The following EDIL3 variants were observed in gnomAD, a reference collection of about 807,000 sequenced individuals.
The protein encoded by EDIL3 is EGF like and discoidin domains 3, also known as EGF-like repeat and discoidin I-like domain-containing protein 3.
A neutral mutation model predicts 67.4 loss-of-function variants in EDIL3; 37 were observed. That is an observed-to-expected ratio of 0.55 (90% confidence interval 0.42 to 0.72). The LOEUF is 0.72. Ranked by LOEUF, EDIL3 falls within the 30% of genes least tolerant of loss-of-function variation. The pLI is 0.00. For missense variants in EDIL3, 527 were observed against 586.3 expected (o/e 0.90, Z 1.04); for synonymous variants, 195 against 196.3 (o/e 0.99, Z 0.05).
intron 8 of EDIL3, among the ~76,000 whole-genome samples, chr5:84,063,676 A>G (rs1746582255): frequency 6.6e-6 from 1 of 152,124 alleles, no homozygotes; most frequent in Non-Finnish European, 1.5e-5. Flanking sequence ...GCTTTAACCT[A>G]TAGGCAACCT....
At chr5:84,327,941 T>A (rs147861856) in intron 1 of EDIL3, among the ~76,000 whole-genome samples, 1 of 152,162 alleles carries the variant, frequency 6.6e-6, no homozygotes, top group African/African-American at 2.4e-5. Context: ...GGACAGGCCA[T>A]GGAAGTCTTA....
intron 2 of EDIL3, among the ~76,000 whole-genome samples, chr5:84,249,133 T>C (rs987468535): frequency 1.3e-5 from 2 of 152,132 alleles, no homozygotes; most frequent in Non-Finnish European, 2.9e-5. Flanking sequence ...TTTCAGTTTA[T>C]GACATTATAC....
chr5:83,988,931 A>G (rs1745099722), intron 9 of EDIL3, among the ~76,000 whole-genome samples: 1 of 152,188 alleles, frequency 6.6e-6, no homozygotes, highest in Non-Finnish European at 1.5e-5. Flanking sequence ...AAGTACCACT[A>G]CTTGTAGAAT....
chr5:84,120,088 T>C lies in EDIL3; in HGVS notation c.470-13258A>G, dbSNP rs534878673. 3.3e-5 allele frequency among the ~76,000 whole-genome samples: 5 copies of C among 152,152 alleles called. No individual in the cohort carries two copies. In the East Asian group the frequency reaches 7.7e-4, roughly 24 times the overall value. On this transcript the variant is annotated intron_variant, in intron 5 of 10. Transcript: ENST00000296591. Reference sequence around the variant, plus strand: ...ACTATGCATAACTATTGATTTCTTATGAAGTGTCACATAAAGAAAGTAAAA... The same window carrying C: ...ACTATGCATAACTATTGATTTCTTACGAAGTGTCACATAAAGAAAGTAAAA...
intron 6 of EDIL3, among the ~76,000 whole-genome samples, chr5:84,086,140 G>A (rs1747065533): frequency 6.6e-6 from 1 of 152,120 alleles, no homozygotes; most frequent in Non-Finnish European, 1.5e-5. Flanking sequence ...TGGCTCTCTG[G>A]CTTCAGCCCC....
chr5:84,043,724 T>G (rs1446834620), intron 9 of EDIL3, among the ~76,000 whole-genome samples: 1 of 152,122 alleles, frequency 6.6e-6, no homozygotes, highest in Non-Finnish European at 1.5e-5. Flanking sequence ...ATACAAATAA[T>G]ATGTACACAT....
In EDIL3 at chr5:84,070,606, AGTGTGTGTGTGTGTGTGT is replaced by A. The variant is rs35930293; in HGVS notation, c.652-4018_652-4001del. On this transcript the variant is annotated intron_variant, in intron 6 of 10. Transcript: ENST00000296591. ...GACATTTAGGGCTACTATGGTTAAG[AGTGTGTGTGTGTGTGTGT>A]GTGTGTGTGTGTGTGTGTGTGTGTT... Among the ~76,000 whole-genome samples the A allele has an allele frequency of 1.5e-3, 216 of 144,738 alleles. 3 individuals are homozygous for A. The Middle Eastern group carries it at 0.018, about 12-fold the overall frequency. 95.0% of individuals were successfully genotyped at this position (144,738 alleles called of 152,430 possible).
chr5:84,122,110 C>A (rs1263265220), intron 5 of EDIL3, among the ~76,000 whole-genome samples: 1 of 151,930 alleles, frequency 6.6e-6, no homozygotes, highest in Non-Finnish European at 1.5e-5. Context: ...ACCTCAAGTG[C>A]ACTTCACTCT....
At chr5:84,234,856 T>C (rs1744648756) in intron 2 of EDIL3, among the ~76,000 whole-genome samples, 1 of 152,166 alleles carries the variant, frequency 6.6e-6, no homozygotes, top group African/African-American at 2.4e-5. Context: ...CTATGTATTA[T>C]TGTATTCTGA....
rs114978397 is a variant in EDIL3 at position 84,049,491 on chromosome 5, T to A, written c.1137+10809A>T. ...GACTTCTTTGTTTGGAAACTACCTA[T>A]GGAAGCTAATAGTCTTAACCTAAAA... On this transcript the variant is annotated intron_variant, in intron 9 of 10. Transcript: ENST00000296591. Among the ~76,000 whole-genome samples the A allele has an allele frequency of 5.7e-3, 868 of 152,312 alleles. 12 individuals carry two copies. The highest frequency in any genetic ancestry group is 0.02 in the African/African-American group (833 of 41,554).
intron 9 of EDIL3, among the ~76,000 whole-genome samples, chr5:84,013,301 T>C (rs1745547950): frequency 1.3e-5 from 2 of 152,194 alleles, no homozygotes; most frequent in South Asian, 4.1e-4. Context: ...TAAGAAACAT[T>C]GTTCCTTACA....
Position 84,279,302 on chromosome 5 carries a change from T to C in EDIL3, c.68-25090A>G, listed in dbSNP as rs528059577. ...AAGCCCAATCAATAAAAATAAATCCTGTACTCTCCTAGAGAAGTTTTCTCA... is the reference window on the plus strand; with the variant it reads ...AAGCCCAATCAATAAAAATAAATCCCGTACTCTCCTAGAGAAGTTTTCTCA... On this transcript the variant is annotated intron_variant, in intron 1 of 10. Transcript: ENST00000296591. 2.6e-5 allele frequency among the ~76,000 whole-genome samples: 4 copies of C among 152,310 alleles called. No individual in the cohort carries two copies. The South Asian group carries it at 8.3e-4, about 32-fold the overall frequency.
Position 83,967,474 on chromosome 5 carries a change from T to A in EDIL3, c.1138-4114A>T, listed in dbSNP as rs867980936. On this transcript the variant is annotated intron_variant, in intron 9 of 10. Coordinates refer to ENST00000296591, the MANE Select transcript of EDIL3 (RefSeq NM_005711.5). The stretch of plus-strand genomic sequence containing the variant: ...TGAGTTACTTATTTCACTCTAAGAA[T>A]GAAAACAAGAGGGAGGATACTTAAG... Among the ~76,000 whole-genome samples the A allele has an allele frequency of 1.1e-4, 16 of 152,166 alleles. No individual in the cohort carries two copies. In the Middle Eastern group the frequency reaches 0.01, roughly 97 times the overall value.
chr5:84,112,003 A>C lies in EDIL3; in HGVS notation c.470-5173T>G, dbSNP rs141833696. On this transcript the variant is annotated intron_variant, in intron 5 of 10. Coordinates refer to ENST00000296591, the MANE Select transcript of EDIL3 (RefSeq NM_005711.5). ...GACAGGATAGACACAGGCAGGGAACAGGCTGCTATGATGAGGGAATTAGAG... is the reference window on the plus strand; with the variant it reads ...GACAGGATAGACACAGGCAGGGAACCGGCTGCTATGATGAGGGAATTAGAG... 3.4e-3 allele frequency among the ~76,000 whole-genome samples: 513 copies of C among 152,258 alleles called. 4 individuals are homozygous for C. The highest frequency in any genetic ancestry group is 0.011 in the African/African-American group (471 of 41,552).
chr5:84,120,729 G>A (rs887586286), intron 5 of EDIL3, among the ~76,000 whole-genome samples: 1 of 151,922 alleles, frequency 6.6e-6, no homozygotes, highest in Non-Finnish European at 1.5e-5. Context: ...AGAAAACAAA[G>A]ATAGTTTAAT....
chr5:84,004,800 C>A (rs1745384589), intron 9 of EDIL3, among the ~76,000 whole-genome samples: 1 of 151,910 alleles, frequency 6.6e-6, no homozygotes, highest in Non-Finnish European at 1.5e-5. Context: ...AGCAAACCAA[C>A]CCCAAAGCTA....
chr5:84,190,545 A>ATGTGTGTGTGTG (rs1361092036), intron 3 of EDIL3, among the ~76,000 whole-genome samples: 2 of 56,636 alleles, frequency 3.5e-5, no homozygotes, highest in African/African-American at 1.3e-4. Context: ...ACATATATAT[A>ATGTGTGTGTGTG]TATATATGTG....
chr5:84,201,294 T>C (rs866987535), intron 3 of EDIL3, among the ~76,000 whole-genome samples: 26 of 152,104 alleles, frequency 1.7e-4, no homozygotes, highest in Admixed American at 6.6e-5. Flanking sequence ...ATGAGAATCC[T>C]TATCTATGAA....
rs543222941 is a variant in EDIL3, at chr5:84,254,200, T to A, written c.80A>T (p.Asp27Val). 1 of 1,610,874 alleles carries A rather than the reference T, an allele frequency of 6.2e-7. No homozygotes were observed. The highest frequency in any genetic ancestry group is 8.5e-7 in the Non-Finnish European group (1 of 1,178,570). The change falls in exon 2 of 11, where the codon GAT becomes GTT. Residue 27 changes from aspartate to valine, a missense_variant. By Grantham distance (152) the Asp-to-Val change is radical. Coordinates refer to ENST00000296591, the MANE Select transcript of EDIL3 (RefSeq NM_005711.5). ...ACCTCCATTTTCACATGGATTGGGA[T>A]CACAAATATCACCTAAGGCATAAAA... Reference protein sequence around the residue: ...VPQFGKGDICDPNPCENGGIC... With the variant: ...VPQFGKGDICVPNPCENGGIC...
Sources: gnomAD v4.1 joint callset for allele counts (sites outside exome capture counted in the v4.1 genomes callset) on GRCh38, gnomAD v4.1.1 for gene constraint, MANE v1.5 for transcripts, NCBI Gene and HGNC (gene_info 2026-07-23, HGNC 2026-07-21) for gene names.